Variants in ZFPM2 observed in about 807,000 individuals in gnomAD.
The protein encoded by ZFPM2 is zinc finger protein ZFPM2.
A neutral mutation model predicts 98.6 loss-of-function variants in ZFPM2; 20 were observed. That is an observed-to-expected ratio of 0.20 (90% CI 0.14 to 0.29). ZFPM2 has a LOEUF of 0.29. Ranked by LOEUF, ZFPM2 falls within the 10% of genes least tolerant of loss-of-function variation. The pLI, the probability that ZFPM2 is intolerant of heterozygous loss-of-function variation, is 1.00. For synonymous variants in ZFPM2, 518 were observed against 502.7 expected, an observed-to-expected ratio of 1.03 and a Z score of -0.41; for missense variants, 1,310 against 1,388.6, an observed-to-expected ratio of 0.94 and a Z score of 0.90.
intron 3 of ZFPM2, among the ~76,000 whole-genome samples, chr8:105,524,893 A>T (rs537027547): frequency 1.3e-5 from 2 of 152,246 alleles, no homozygotes; most frequent in East Asian, 3.9e-4. Flanking sequence ...CAAGTGTCTC[A>T]CCAGGAGATA....
intron 2 of ZFPM2, among the ~76,000 whole-genome samples, chr8:105,432,402 A>T (rs1229943397): frequency 2.0e-5 from 3 of 152,222 alleles, no homozygotes; most frequent in Non-Finnish European, 4.4e-5. Context: ...TGTTAGGCCT[A>T]TGCGTTCTCT....
intron 6 of ZFPM2, chr8:105,798,357 G>C: frequency 6.3e-6 from 1 of 159,082 alleles, no homozygotes; most frequent in Non-Finnish European, 1.4e-5. Flanking sequence ...GGCTGAGGCA[G>C]GAGAATTGCT....
At chr8:105,638,027 G>A (rs1322603867) in intron 5 of ZFPM2, among the ~76,000 whole-genome samples, 1 of 151,874 alleles carries the variant, frequency 6.6e-6, no homozygotes, top group Non-Finnish European at 1.5e-5. Flanking sequence ...GGATATTCTG[G>A]ATGTCAGGAA....
At position 105,643,629 on chromosome 8, in the gene ZFPM2, A is replaced by C. The variant is rs548151017; in HGVS notation, c.532+9272A>C. ...CCACCAATACCAACAACAACAAAAA[A>C]TCAATGCTGATCAGTGTTATGTTAC... On this transcript the variant is annotated intron_variant, in intron 5 of 7. Transcript: ENST00000407775. 3.9e-5 allele frequency among the ~76,000 whole-genome samples: 6 copies of C among 152,302 alleles called. No individual in the cohort carries two copies. The East Asian group carries it at 5.8e-4, about 15-fold the overall frequency.
At chr8:105,622,370 A>G (rs942262480) in intron 4 of ZFPM2, among the ~76,000 whole-genome samples, 1 of 152,120 alleles carries the variant, frequency 6.6e-6, no homozygotes, top group African/African-American at 2.4e-5. Flanking sequence ...GAGTTACTAA[A>G]ATGTAATTTT....
chr8:105,615,656 T>G (rs1816398525), intron 4 of ZFPM2, among the ~76,000 whole-genome samples: 1 of 152,122 alleles, frequency 6.6e-6, no homozygotes, highest in Non-Finnish European at 1.5e-5. Context: ...TGAGAAACAC[T>G]GGAGAAGTCT....
intron 2 of ZFPM2, among the ~76,000 whole-genome samples, chr8:105,435,319 TTATTC>T (rs1812098364): frequency 6.6e-6 from 1 of 152,208 alleles, no homozygotes; most frequent in Non-Finnish European, 1.5e-5. Flanking sequence ...TGCTTGACAT[TTATTC>T]CATTTCATCA....
intron 5 of ZFPM2, chr8:105,785,198 C>T (rs559024639): frequency 3.3e-5 from 5 of 152,242 alleles, no homozygotes; most frequent in South Asian, 4.1e-4. Flanking sequence ...TGTATGTCTT[C>T]TCCAAGTTCC....
chr8:105,783,210 G>GTTTTTTTTTTT (rs753557703), intron 5 of ZFPM2, among the ~76,000 whole-genome samples: 107 of 88,900 alleles, frequency 1.2e-3, no homozygotes, highest in East Asian at 1.5e-3. Flanking sequence ...TTTCTTTATG[G>GTTTTTTTTTTT]TTTTTTTTTT....
chr8:105,432,133 G>A (rs537827332), intron 2 of ZFPM2, among the ~76,000 whole-genome samples: 8 of 152,144 alleles, frequency 5.3e-5, no homozygotes, highest in Non-Finnish European at 7.4e-5. Context: ...ACAGGAAATA[G>A]TAGAGACGAA....
At chr8:105,530,587 G>C (rs188687012) in intron 3 of ZFPM2, among the ~76,000 whole-genome samples, 31 of 152,228 alleles carry the variant, frequency 2.0e-4, no homozygotes, top group African/African-American at 7.2e-4. Context: ...ATGAGAGAGC[G>C]AGAGTGCATG....
intron 1 of ZFPM2, among the ~76,000 whole-genome samples, chr8:105,334,338 A>G (rs1281581534): frequency 6.6e-6 from 1 of 151,676 alleles, no homozygotes; most frequent in East Asian, 1.9e-4. Context: ...TCTCTAATTC[A>G]GACAATATGG....
At chr8:105,634,461 C>A in intron 5 of ZFPM2, 104 bp downstream of exon 5, 1 of 894,818 alleles carries the variant, frequency 1.1e-6, no homozygotes, top group Non-Finnish European at 1.8e-6. Flanking sequence ...ATAAATTGAT[C>A]CTCTTCCTTT....
At chr8:105,730,374 A>G (rs1236831741) in intron 5 of ZFPM2, among the ~76,000 whole-genome samples, 1 of 151,748 alleles carries the variant, frequency 6.6e-6, no homozygotes, top group African/African-American at 2.4e-5. Context: ...CGCTACTCAT[A>G]TTTAGGTCCC....
chr8:105,781,239 G>A (rs1813241013), intron 5 of ZFPM2, among the ~76,000 whole-genome samples: 1 of 152,094 alleles, frequency 6.6e-6, no homozygotes, highest in Admixed American at 6.5e-5. Context: ...TTGATGGTTA[G>A]GTCGAATCTT....
intron 1 of ZFPM2, among the ~76,000 whole-genome samples, chr8:105,408,647 G>A (rs2130023265): frequency 6.6e-6 from 1 of 151,890 alleles, no homozygotes; most frequent in Admixed American, 6.6e-5. Context: ...CAAACAATAT[G>A]CGGGATCTAC....
At chr8:105,415,691 G>A (rs1478235572) in intron 1 of ZFPM2, among the ~76,000 whole-genome samples, 1 of 151,976 alleles carries the variant, frequency 6.6e-6, no homozygotes, top group Admixed American at 6.6e-5. Context: ...GGTTTTCCCT[G>A]TTAAAGAAAC....
At chr8:105,562,781 A>AT (rs1815167872) in intron 4 of ZFPM2, among the ~76,000 whole-genome samples, 1 of 152,110 alleles carries the variant, frequency 6.6e-6, no homozygotes, top group South Asian at 2.1e-4. Context: ...TAATTTCTCT[A>AT]TTTTAAGGTC....
At chr8:105,508,820 A>G (rs1374648390) in intron 3 of ZFPM2, among the ~76,000 whole-genome samples, 1 of 143,556 alleles carries the variant, frequency 7.0e-6, no homozygotes, top group Non-Finnish European at 1.5e-5. Context: ...TCCCCCTCGC[A>G]TTGTTGTGTT....
Sources: gnomAD v4.1 joint callset for allele counts (sites outside exome capture counted in the v4.1 genomes callset) on GRCh38, gnomAD v4.1.1 for gene constraint, MANE v1.5 for transcripts, NCBI Gene and HGNC (gene_info 2026-07-23, HGNC 2026-07-21) for gene names.